Variants in CAST observed in about 807,000 individuals in gnomAD.
CAST encodes MIR583 host.
In CAST, 76 loss-of-function variants were observed where a neutral mutation model predicts 119.6. That is an observed-to-expected ratio of 0.64 (90% CI 0.53 to 0.77). The LOEUF (loss-of-function observed/expected upper bound fraction) is 0.77. CAST is among the 30% of genes least tolerant of loss of function. CAST has a pLI of 0.00. For synonymous variants in CAST, 319 were observed against 331.6 expected, an observed-to-expected ratio of 0.96 and a Z score of 0.41; for missense variants, 953 against 946.5, an observed-to-expected ratio of 1.01 and a Z score of -0.09.
At chr5:96,506,948 T>A in the CAST span, among the ~76,000 whole-genome samples, 1 of 152,180 alleles carries the variant, frequency 6.6e-6, no homozygotes, top group Non-Finnish European at 1.5e-5. Context: ...TCCTAAAGAT[T>A]GCTATTGAAG....
the CAST span, among the ~76,000 whole-genome samples, chr5:96,419,685 C>A: frequency 6.6e-6 from 1 of 151,874 alleles, no homozygotes; most frequent in Non-Finnish European, 1.5e-5. Context: ...GATCTGGAAG[C>A]TCAGGGCTTT....
chr5:96,744,581 C>A (rs1019203266), intron 16 of CAST, among the ~76,000 whole-genome samples: 1 of 152,176 alleles, frequency 6.6e-6, no homozygotes, highest in Non-Finnish European at 1.5e-5. Flanking sequence ...ACAGCCAAAG[C>A]ATATCACTAG....
chr5:96,126,617 C>T, the CAST span, among the ~76,000 whole-genome samples: 2 of 151,772 alleles, frequency 1.3e-5, no homozygotes, highest in African/African-American at 4.8e-5. Context: ...TTCCTAAAAC[C>T]AAGGTAGCTG....
At chr5:96,172,205 C>A in the CAST span, among the ~76,000 whole-genome samples, 2 of 152,128 alleles carry the variant, frequency 1.3e-5, no homozygotes, top group Admixed American at 1.3e-4. Flanking sequence ...GCCTTTGAGC[C>A]AGGATGAGCC....
At chr5:96,440,821 C>G in the CAST span, among the ~76,000 whole-genome samples, 1 of 152,170 alleles carries the variant, frequency 6.6e-6, no homozygotes, top group African/African-American at 2.4e-5. Context: ...AAGGCAGAGG[C>G]AATGGCTTTA....
the CAST span, among the ~76,000 whole-genome samples, chr5:96,481,918 T>A: frequency 6.6e-6 from 1 of 152,130 alleles, no homozygotes; most frequent in Admixed American, 6.6e-5. Context: ...TAAAACATTA[T>A]TAAATATCCC....
the CAST span, among the ~76,000 whole-genome samples, chr5:96,445,159 T>C: frequency 6.6e-6 from 1 of 152,206 alleles, no homozygotes; most frequent in Admixed American, 6.5e-5. Context: ...GTGTGAAGCC[T>C]CCACACTTAA....
the CAST span, among the ~76,000 whole-genome samples, chr5:96,316,628 T>G: frequency 6.6e-6 from 1 of 152,144 alleles, no homozygotes; most frequent in Non-Finnish European, 1.5e-5. Context: ...AAAGAAACTT[T>G]CTAAAGGTAG....
chr5:96,035,293 T>A, the CAST span, among the ~76,000 whole-genome samples: 11 of 150,608 alleles, frequency 7.3e-5, no homozygotes, highest in East Asian at 5.8e-4. Context: ...AAAATTTTTT[T>A]AAATAATTGA....
At chr5:96,465,929 A>G in the CAST span, among the ~76,000 whole-genome samples, 3 of 152,094 alleles carry the variant, frequency 2.0e-5, no homozygotes, top group Admixed American at 6.6e-5. Flanking sequence ...CTGTGTGTGT[A>G]TATCCGTGAC....
the CAST span, among the ~76,000 whole-genome samples, chr5:96,327,095 C>G: frequency 3.5e-4 from 53 of 152,292 alleles, 1 homozygote; most frequent in South Asian, 8.5e-3. Context: ...AATTTCAGTT[C>G]TGTTTCTTAT....
At chr5:96,533,949 G>A (rs1337977598) in intron 1 of CAST, among the ~76,000 whole-genome samples, 1 of 152,080 alleles carries the variant, frequency 6.6e-6, no homozygotes, top group Admixed American at 6.6e-5. Context: ...TAAAGTTTTA[G>A]CAGACATTTC....
chr5:96,748,485 C>T, intron 18 of CAST, 33 bp from the exon 19 acceptor site: 2 of 1,022,446 alleles, frequency 2.0e-6, no homozygotes, highest in Non-Finnish European at 2.9e-6. Flanking sequence ...AAAAAGAGTC[C>T]CCTTGTAATA....
intron 3 of CAST, among the ~76,000 whole-genome samples, chr5:96,697,451 C>G (rs1159020598): frequency 2.0e-5 from 3 of 152,148 alleles, no homozygotes; most frequent in African/African-American, 7.2e-5. Context: ...CTGAGAAGCT[C>G]TAACGCTAAA....
At chr5:96,240,173 A>T in the CAST span, among the ~76,000 whole-genome samples, 1 of 152,010 alleles carries the variant, frequency 6.6e-6, no homozygotes, top group African/African-American at 2.4e-5. Flanking sequence ...GCTGCTTATC[A>T]TTTTTATTTG....
At chr5:96,683,281 T>C (rs1751670216) in intron 2 of CAST, among the ~76,000 whole-genome samples, 1 of 152,178 alleles carries the variant, frequency 6.6e-6, no homozygotes, top group Non-Finnish European at 1.5e-5. Flanking sequence ...TTCCATTGGC[T>C]TCGATTAGGA....
chr5:96,089,154 G>A, the CAST span, among the ~76,000 whole-genome samples: 7 of 147,312 alleles, frequency 4.8e-5, no homozygotes, highest in African/African-American at 1.8e-4. Flanking sequence ...GGAAGTATAT[G>A]ACTTTTAAAG....
chr5:96,513,625 C>G, the CAST span, among the ~76,000 whole-genome samples: 37 of 152,320 alleles, frequency 2.4e-4, no homozygotes, highest in African/African-American at 8.4e-4. Context: ...AGTGCTACCT[C>G]TGGAGAAGAT....
chr5:96,565,077 GGTGTGTGTGTGT>G (rs61240765), intron 1 of CAST, among the ~76,000 whole-genome samples: 2 of 148,640 alleles, frequency 1.3e-5, no homozygotes, highest in African/African-American at 5.0e-5. Flanking sequence ...ACATGGGAAA[GGTGTGTGTGTGT>G]GTGTGTGTGT....
Sources: gnomAD v4.1 joint callset for allele counts (sites outside exome capture counted in the v4.1 genomes callset) on GRCh38, gnomAD v4.1.1 for gene constraint, MANE v1.5 for transcripts, NCBI Gene and HGNC (gene_info 2026-07-23, HGNC 2026-07-21) for gene names.